Variants in MTF2 observed in about 807,000 individuals in gnomAD.
MTF2 encodes the protein metal-response element-binding transcription factor 2.
In MTF2, 11 loss-of-function variants were observed where a neutral mutation model predicts 79.5. The ratio of observed to expected loss-of-function variants is 0.14; its 90% CI spans 0.09 to 0.23. The LOEUF (loss-of-function observed/expected upper bound fraction) is 0.23, where lower values mean the gene tolerates loss of function less well. Among genes scored for constraint, MTF2 ranks in the 10% least tolerant of loss-of-function variants. MTF2 has a pLI of 1.00. For missense variants in MTF2, 486 were observed against 711.2 expected, an observed-to-expected ratio of 0.68 and a Z score of 3.60; for synonymous variants, 208 against 232.8, an observed-to-expected ratio of 0.89 and a Z score of 0.97.
chr1:93,086,610 C>T (rs1455035036), intron 1 of MTF2, among the ~76,000 whole-genome samples: 7 of 151,890 alleles, frequency 4.6e-5, no homozygotes, highest in Non-Finnish European at 8.8e-5. Context: ...GATAGGCAGC[C>T]CCGGGTGAAT....
Position 93,114,700 on chromosome 1 carries a change from G to A in MTF2, c.299G>A (p.Ser100Asn). The change falls in exon 4 of 15, where the codon AGT (serine) becomes AAT (asparagine). Residue 100 changes from serine to asparagine, a missense_variant. Physicochemically the swap from Ser to Asn is conservative, Grantham distance 46 (BLOSUM62 1). Transcript: ENST00000370298. ...WKDIQTGATGSGEMVCTICQE... is the reference protein window; with the variant it reads ...WKDIQTGATGNGEMVCTICQE... ...TTAAATATTTTAGGAGCCACTGGAA[G>A]TGGGGAAATGGTCTGTACAATATGT... 6.2e-7 allele frequency: 1 copy of A among 1,601,276 alleles called. No individual in the cohort carries two copies. The highest frequency in any genetic ancestry group is 1.1e-5 in the South Asian group (1 of 87,924).
At chr1:93,095,075 G>A (rs1655228495) in intron 1 of MTF2, among the ~76,000 whole-genome samples, 1 of 152,028 alleles carries the variant, frequency 6.6e-6, no homozygotes, top group Non-Finnish European at 1.5e-5. Flanking sequence ...ACAGTGGCTG[G>A]ATTATATAGC....
chr1:93,129,506 A>T, intron 11 of MTF2, 58 bp downstream of exon 11: 1 of 1,265,698 alleles, frequency 7.9e-7, no homozygotes, highest in East Asian at 2.6e-5. Context: ...CTAAAAATGT[A>T]TGTTATTTAG....
chr1:93,127,115 T>C (rs1656730403), intron 9 of MTF2, 117 bp from the exon 10 acceptor site: 1 of 672,716 alleles, frequency 1.5e-6, no homozygotes, highest in South Asian at 1.8e-5. Context: ...AGAACTTAGA[T>C]CTTCTGACTA....
At chr1:93,133,845 G>A in intron 12 of MTF2, 37 bp downstream of exon 12, 2 of 1,548,564 alleles carry the variant, frequency 1.3e-6, no homozygotes, top group Non-Finnish European at 1.8e-6. Context: ...TCAAGAAGAA[G>A]GATGCATGAA....
intron 1 of MTF2, among the ~76,000 whole-genome samples, chr1:93,105,212 G>A (rs1201742629): frequency 1.3e-5 from 2 of 151,888 alleles, no homozygotes; most frequent in Non-Finnish European, 2.9e-5. Flanking sequence ...TATTGAAGTG[G>A]GCCGAAGACT....
At chr1:93,125,194 T>C (rs79135673) in intron 9 of MTF2, among the ~76,000 whole-genome samples, 3,700 of 152,008 alleles carry the variant, frequency 0.024, 124 homozygotes, top group African/African-American at 0.079. Context: ...TTTTCAGATA[T>C]ATGGTTTGTG....
chr1:93,112,346 A>G (rs1254171726), intron 3 of MTF2, among the ~76,000 whole-genome samples: 1 of 151,406 alleles, frequency 6.6e-6, no homozygotes, highest in Non-Finnish European at 1.5e-5. Flanking sequence ...ATCAAAACTT[A>G]ATAAATTATA....
At chr1:93,129,767 A>G (rs1453441127) in intron 11 of MTF2, among the ~76,000 whole-genome samples, 2 of 152,068 alleles carry the variant, frequency 1.3e-5, no homozygotes, top group East Asian at 1.9e-4. Flanking sequence ...CATTCAGCAC[A>G]GTTTTCAAGT....
intron 9 of MTF2, among the ~76,000 whole-genome samples, chr1:93,125,711 G>C (rs576109939): frequency 6.6e-6 from 1 of 152,076 alleles, no homozygotes; most frequent in South Asian, 2.1e-4. Context: ...GGGTGGGGAG[G>C]GGGGACCAGG....
At chr1:93,117,845 A>AG (rs1010285389) in intron 6 of MTF2, among the ~76,000 whole-genome samples, 48 of 152,068 alleles carry the variant, frequency 3.2e-4, no homozygotes, top group African/African-American at 1.1e-3. Context: ...CTGGCAACAC[A>AG]GGGAGACCTC....
At chr1:93,086,918 T>G (rs1654863038) in intron 1 of MTF2, among the ~76,000 whole-genome samples, 1 of 152,198 alleles carries the variant, frequency 6.6e-6, no homozygotes, top group Admixed American at 6.5e-5. Flanking sequence ...TTTAGGCTTA[T>G]TTGCATATAC....
At position 93,112,680 on chromosome 1, in the gene MTF2, A is replaced by G. The variant is rs116829619; in HGVS notation, c.287-2008A>G. Among the ~76,000 whole-genome samples the G allele has an allele frequency of 2.5e-3, 384 of 152,340 alleles. 5 individuals carry two copies. The highest frequency in any genetic ancestry group is 8.0e-3 in the Admixed American group (123 of 15,302). ...TCCTGAAGTTTATTTTAACAACAAC[A>G]AAAAATTTGGTATTTCTAAGATGAA... On this transcript the variant is annotated intron_variant, in intron 3 of 14. Transcript: ENST00000370298.
intron 10 of MTF2, chr1:93,128,690 A>C (rs1043949580): frequency 3.3e-5 from 5 of 151,756 alleles, no homozygotes; most frequent in African/African-American, 1.2e-4. Flanking sequence ...AGAGACTAAA[A>C]GAAAGGTCTA....
intron 1 of MTF2, among the ~76,000 whole-genome samples, chr1:93,102,855 G>A (rs951850063): frequency 2.6e-5 from 4 of 152,128 alleles, no homozygotes; most frequent in Non-Finnish European, 5.9e-5. Context: ...TTATGGGCCA[G>A]GCACGGTGGC....
At chr1:93,101,589 TTTTTTTTTG>T in intron 1 of MTF2, among the ~76,000 whole-genome samples, 3 of 120,858 alleles carry the variant, frequency 2.5e-5, no homozygotes, top group Non-Finnish European at 5.2e-5. Flanking sequence ...TTTTTTTTTT[TTTTTTTTTG>T]AGACAGGGTC....
At chr1:93,123,902 A>G (rs145369794) in intron 9 of MTF2, among the ~76,000 whole-genome samples, 6 of 151,530 alleles carry the variant, frequency 4.0e-5, no homozygotes, top group East Asian at 1.9e-4. Context: ...TCCCTCCACC[A>G]TAATGGTAGA....
At chr1:93,115,444 T>C in intron 5 of MTF2, 26 bp from the exon 6 acceptor site, 1 of 1,508,040 alleles carries the variant, frequency 6.6e-7, no homozygotes, top group Non-Finnish European at 8.9e-7. Flanking sequence ...CCTTCACTCT[T>C]TCACATTTTT....
At position 93,118,945 on chromosome 1, in the gene MTF2, T is replaced by G. The variant is rs527376103; in HGVS notation, c.729-388T>G. 6.4e-4 allele frequency among the ~76,000 whole-genome samples: 97 copies of G among 152,374 alleles called. 2 individuals are homozygous for G. The highest frequency in any genetic ancestry group is 2.6e-4 in the Non-Finnish European group (18 of 68,036). ...ATGCCACTTAATTTTCTTTCTGACC[T>G]TAGGGAAGTTCACTTGTCTCTTTCG... On this transcript the variant is annotated intron_variant, in intron 7 of 14. Transcript: ENST00000370298.
Sources: allele counts gnomAD v4.1 joint callset (sites outside exome capture counted in the v4.1 genomes callset), GRCh38; gene constraint gnomAD v4.1.1; transcripts MANE v1.5; gene names NCBI Gene and HGNC (gene_info 2026-07-23, HGNC 2026-07-21).